SMAD3: variants seen among roughly 807,000 people sequenced by gnomAD.
SMAD3 encodes SMAD family member 3.
In SMAD3, 12 loss-of-function variants were observed where a neutral mutation model predicts 51.8. The ratio of observed to expected loss-of-function variants is 0.23; its 90% confidence interval spans 0.15 to 0.38. The LOEUF is 0.38. Ranked by LOEUF, SMAD3 falls within the 10% of genes least tolerant of loss-of-function variation. SMAD3 has a pLI of 1.00. For missense variants in SMAD3, 294 were observed against 565.6 expected, an observed-to-expected ratio of 0.52 and a Z score of 4.87; for synonymous variants, 238 against 227.7, an observed-to-expected ratio of 1.05 and a Z score of -0.41.
chr15:67,102,089 A>T (rs1960770854), intron 1 of SMAD3, among the ~76,000 whole-genome samples: 1 of 152,182 alleles, frequency 6.6e-6, no homozygotes, highest in Non-Finnish European at 1.5e-5. Context: ...TGTGAGTAGA[A>T]CCAGGTCCTG....
chr15:67,136,170 A>T (rs576388190), intron 1 of SMAD3, among the ~76,000 whole-genome samples: 3 of 152,356 alleles, frequency 2.0e-5, no homozygotes, highest in African/African-American at 7.2e-5. Flanking sequence ...AACTGCTCTC[A>T]AATTGAAATC....
chr15:67,098,833 C>G, intron 1 of SMAD3: 1 of 699,058 alleles, frequency 1.4e-6, no homozygotes, highest in Non-Finnish European at 2.6e-6. Context: ...CCCACTGTTG[C>G]TCAGCTGGGG....
intron 1 of SMAD3, among the ~76,000 whole-genome samples, chr15:67,098,360 G>C (rs62006013): frequency 8.5e-6 from 1 of 117,868 alleles, no homozygotes; most frequent in Admixed American, 9.3e-5. Context: ...GAGAGCGAGC[G>C]AGCAAGCAAG....
chr15:67,156,444 G>T lies in SMAD3; in HGVS notation c.207-8451G>T, dbSNP rs534242166. ...CCAGCTTCAAGATCTGGGCATAGGG[G>T]TATGCCCCATTTAGAATTAGGGAAA... On this transcript the variant is annotated intron_variant, in intron 1 of 8. Coordinates refer to ENST00000327367, the MANE Select transcript of SMAD3 (RefSeq NM_005902.4). 3.3e-5 allele frequency among the ~76,000 whole-genome samples: 5 copies of T among 152,308 alleles called. No homozygotes were observed. In the East Asian group the frequency reaches 7.7e-4, roughly 23 times the overall value.
At chr15:67,185,998 A>G (rs1292546092) in intron 7 of SMAD3, among the ~76,000 whole-genome samples, 3 of 152,282 alleles carry the variant, frequency 2.0e-5, no homozygotes, top group African/African-American at 7.2e-5. Context: ...TGATAATAGC[A>G]CACCAGGTTT....
At position 67,118,319 on chromosome 15, in the gene SMAD3, C is replaced by A. The variant is rs145978259; in HGVS notation, c.207-46576C>A. ...GTGGCATAAGTAAAGATATGGATAG[C>A]GCTTTCCTCTTCAGAGTGTTTATTA... On this transcript the variant is annotated intron_variant, in intron 1 of 8. Transcript: ENST00000327367. Among the ~76,000 whole-genome samples, 111 of 152,310 alleles carry A rather than the reference C, an allele frequency of 7.3e-4. 1 individual carries two copies. The highest frequency in any genetic ancestry group is 2.6e-3 in the African/African-American group (106 of 41,562).
intron 1 of SMAD3, among the ~76,000 whole-genome samples, chr15:67,114,189 C>T (rs1226650377): frequency 5.3e-5 from 8 of 152,146 alleles, no homozygotes; most frequent in Admixed American, 6.6e-5. Context: ...GGAACCCACC[C>T]GCCTTCCCAC....
At chr15:67,087,371 G>C (rs1291652241) in intron 1 of SMAD3, among the ~76,000 whole-genome samples, 1 of 152,110 alleles carries the variant, frequency 6.6e-6, no homozygotes. Context: ...TCCCTGCTTT[G>C]ATGATTACCA....
intron 4 of SMAD3, among the ~76,000 whole-genome samples, chr15:67,168,756 T>C (rs1225200008): frequency 6.6e-6 from 1 of 152,196 alleles, no homozygotes; most frequent in African/African-American, 2.4e-5. Flanking sequence ...ATGAGTGATT[T>C]ATCTACAGTA....
intron 5 of SMAD3, among the ~76,000 whole-genome samples, chr15:67,178,874 A>C (rs950557349): frequency 3.9e-5 from 6 of 152,098 alleles, no homozygotes; most frequent in African/African-American, 1.4e-4. Context: ...TTCCCCATTA[A>C]GTACTTTTGA....
rs12900401 is a variant in SMAD3, at chr15:67,194,252, C to T, written c.*3716C>T. ...CCCTTGTAGGCCCCTTTCAGGTAAC[C>T]GTCTTCACAATGTATTTTCATCACA... is the stretch of plus-strand genomic sequence containing the variant. On this transcript the variant is annotated 3_prime_UTR_variant, in exon 9 of 9. Coordinates refer to ENST00000327367, the MANE Select transcript of SMAD3 (RefSeq NM_005902.4). The T allele has an allele frequency of 0.04, 9,264 of 233,324 alleles. 272 individuals are homozygous for T. The highest frequency in any genetic ancestry group is 0.15 in the South Asian group (834 of 5,518). The allele number at this position is 233,324 out of a possible 1,614,324, so 14.5% of individuals were successfully genotyped here. A position where few individuals can be genotyped will look rare whatever the true frequency, so the allele number is the denominator to read the frequency against.
At chr15:67,184,595 C>T (rs954673737) in intron 6 of SMAD3, 132 bp from the exon 7 acceptor site, 27 of 1,127,972 alleles carry the variant, frequency 2.4e-5, no homozygotes, top group Non-Finnish European at 2.9e-5. Context: ...CTTTGGGGCC[C>T]GTTTGCCTGG....
At chr15:67,123,425 G>A (rs1206285310) in intron 1 of SMAD3, among the ~76,000 whole-genome samples, 1 of 152,210 alleles carries the variant, frequency 6.6e-6, no homozygotes, top group Non-Finnish European at 1.5e-5. Flanking sequence ...CTTGAACCCA[G>A]GAGGAGGAGT....
chr15:67,169,552 C>T (rs1464623250), intron 4 of SMAD3, among the ~76,000 whole-genome samples: 1 of 152,038 alleles, frequency 6.6e-6, no homozygotes, highest in Non-Finnish European at 1.5e-5. Flanking sequence ...GGTGCAAACA[C>T]AGCTCGCTGC....
rs201690460 is a variant in SMAD3, at chr15:67,182,996, AAAAAATATAT to A, written c.871+1545_871+1554del. ...TTTTCTATATTTTATTAAAAAAAAA[AAAAAATATAT>A]ATATATATATATATATATATATATA... On this transcript the variant is annotated intron_variant, in intron 6 of 8. Coordinates refer to ENST00000327367, the MANE Select transcript of SMAD3 (RefSeq NM_005902.4). 7.4e-4 allele frequency among the ~76,000 whole-genome samples: 41 copies of A among 55,370 alleles called. No individual in the cohort carries two copies. The East Asian group carries it at 0.011, about 15-fold the overall frequency. 36.3% of individuals were successfully genotyped at this position (55,370 alleles called of 152,430 possible). A position where few individuals can be genotyped will look rare whatever the true frequency, so the allele number is the denominator to read the frequency against.
intron 1 of SMAD3, among the ~76,000 whole-genome samples, chr15:67,091,492 A>G (rs991943086): frequency 2.0e-5 from 3 of 152,264 alleles, no homozygotes; most frequent in African/African-American, 7.2e-5. Context: ...CCGTTGTATC[A>G]TTGTGGCTGT....
Position 67,098,296 on chromosome 15 carries a change from A to G in SMAD3, c.206+31936A>G, listed in dbSNP as rs1432546908. Among the ~76,000 whole-genome samples, 3 of 123,872 alleles carry G rather than the reference A, an allele frequency of 2.4e-5. No individual in the cohort carries two copies. In the East Asian group the frequency reaches 8.1e-4, roughly 33 times the overall value. The allele number at this position is 123,872 out of a possible 152,430, so 81.3% of individuals were successfully genotyped here. On this transcript the variant is annotated intron_variant, in intron 1 of 8. Coordinates refer to ENST00000327367, the MANE Select transcript of SMAD3 (RefSeq NM_005902.4). ...GCCTAAACTGCCCCCCCACCCCACCACCCAAGACAGATTAAAAAAGAAGGA... is the reference window on the plus strand; with the variant it reads ...GCCTAAACTGCCCCCCCACCCCACCGCCCAAGACAGATTAAAAAAGAAGGA...
chr15:67,157,199 A>G (rs1362502812), intron 1 of SMAD3, among the ~76,000 whole-genome samples: 1 of 152,252 alleles, frequency 6.6e-6, no homozygotes, highest in Non-Finnish European at 1.5e-5. Flanking sequence ...ATTCAATAAA[A>G]TAGGTTTCAA....
chr15:67,151,308 C>G (rs1019860110), intron 1 of SMAD3, among the ~76,000 whole-genome samples: 1 of 150,876 alleles, frequency 6.6e-6, no homozygotes, highest in Admixed American at 6.6e-5. Context: ...ATAGCTCTTT[C>G]TCCCCATTTT....
Sources: gnomAD v4.1 joint callset for allele counts (sites outside exome capture counted in the v4.1 genomes callset) on GRCh38, gnomAD v4.1.1 for gene constraint, MANE v1.5 for transcripts, NCBI Gene and HGNC (gene_info 2026-07-23, HGNC 2026-07-21) for gene names.